The following EFCAB13 variants were observed in gnomAD, a reference collection of about 807,000 sequenced individuals.
EFCAB13 encodes EF-hand calcium-binding domain-containing protein 13.
In EFCAB13, 91 loss-of-function variants were observed where a neutral mutation model predicts 110.2. That is an observed-to-expected ratio of 0.83 (90% confidence interval 0.70 to 0.98). The LOEUF (loss-of-function observed/expected upper bound fraction) is 0.98. Ranked by LOEUF, EFCAB13 falls within the 50% of genes least tolerant of loss-of-function variation. The probability of loss-of-function intolerance (pLI) is 0.00; values close to 1 mark genes in which losing one functional copy is unlikely to be tolerated. For synonymous variants in EFCAB13, 323 were observed against 369.9 expected (o/e 0.87, Z 1.45); for missense variants, 968 against 1,119.4 (o/e 0.86, Z 1.93).
rs1304782104 is a variant in EFCAB13 at position 47,361,463 on chromosome 17, G to T, written c.747G>T (p.Met249Ile). 9 of 1,613,154 alleles carry T rather than the reference G, an allele frequency of 5.6e-6. No homozygotes were observed. The highest frequency in any genetic ancestry group is 7.6e-6 in the Non-Finnish European group (9 of 1,179,230). The change falls in exon 10 of 25, where the codon ATG (methionine) becomes ATT (isoleucine). Residue 249 changes from methionine (M) to isoleucine (I), a missense_variant. By Grantham distance (10) the Met-to-Ile change is conservative. Transcript: ENST00000331493. ...ACGTGTTTGCTGTTTTGGATAGCATGGGTATCCCTATAAACCGTGAAATTT... is the reference window on the plus strand; with the variant it reads ...ACGTGTTTGCTGTTTTGGATAGCATTGGTATCCCTATAAACCGTGAAATTT... ...TDDVFAVLDS[M>I]GIPINREILE...
intron 2 of EFCAB13, among the ~76,000 whole-genome samples, chr17:47,325,024 A>C (rs375822273): frequency 0.03 from 973 of 32,794 alleles, 15 homozygotes; most frequent in Middle Eastern, 0.093. Context: ...CGCCCACCCC[A>C]CCCCCCTTTT....
intron 10 of EFCAB13, among the ~76,000 whole-genome samples, chr17:47,365,831 CAA>C (rs146456327): frequency 0.05 from 7,580 of 152,006 alleles, 248 homozygotes; most frequent in East Asian, 0.11. Flanking sequence ...AATAGAGAAA[CAA>C]AGCAAAAATA....
In EFCAB13 at chr17:47,391,487, G is replaced by T; in HGVS notation, c.1633G>T (p.Asp545Tyr). The stretch of plus-strand genomic sequence containing the variant: ...TGATAAAATTAAAGATAAAAATGTG[G>T]ATTATGAGGATCTAAATACTTGTCT... ...AIDKIKDKNV[D>Y]YEDLNTCLQN... Residue 545 changes from aspartate (D) to tyrosine (Y), a missense_variant, in exon 15 of 25, where the codon GAT (aspartate) becomes TAT (tyrosine). Transcript: ENST00000331493. 2 of 1,589,936 alleles carry T rather than the reference G, an allele frequency of 1.3e-6. No homozygotes were observed. The highest frequency in any genetic ancestry group is 2.4e-5 in the South Asian group (2 of 84,440).
At chr17:47,326,059 G>A (rs952017951) in intron 2 of EFCAB13, among the ~76,000 whole-genome samples, 167 bp from the exon 3 acceptor site, 2 of 150,712 alleles carry the variant, frequency 1.3e-5, no homozygotes, top group Non-Finnish European at 3.0e-5. Context: ...TTCATGGATA[G>A]AAAGGTGAAT....
intron 14 of EFCAB13, among the ~76,000 whole-genome samples, chr17:47,384,018 C>T (rs1462982239): frequency 6.6e-6 from 1 of 152,132 alleles, no homozygotes; most frequent in African/African-American, 2.4e-5. Context: ...AATCGGGGTA[C>T]TCCTGCATTG....
At chr17:47,354,952 ATTG>A (rs2065471883) in intron 9 of EFCAB13, among the ~76,000 whole-genome samples, 1 of 151,728 alleles carries the variant, frequency 6.6e-6, no homozygotes, top group African/African-American at 2.4e-5. Context: ...TTCTTGTGTT[ATTG>A]TTTTATAGGT....
Position 47,398,267 on chromosome 17 carries a change from A to G in EFCAB13, c.1945+2290A>G, listed in dbSNP as rs866334531. Among the ~76,000 whole-genome samples the G allele has an allele frequency of 6.4e-3, 802 of 125,724 alleles. 18 individuals carry two copies. Among genetic ancestry groups the G allele is most frequent in the East Asian group, 0.057 (148 of 2,608 alleles). The allele number at this position is 125,724 out of a possible 152,430, so 82.5% of individuals were successfully genotyped here. A position where few individuals can be genotyped will look rare whatever the true frequency, so the allele number is the denominator to read the frequency against. On this transcript the variant is annotated intron_variant, in intron 17 of 24. Transcript: ENST00000331493. ...GGGTCAGCCCCCCGCCCGGCCAGCC[A>G]CCCCGCCCGGGAGGTGAGGGGCGCC...
Position 47,344,227 on chromosome 17 carries a change from G to A in EFCAB13, c.369G>A (p.Lys123=). Residue 123 remains lysine (K), a synonymous_variant, in exon 7 of 25, where the codon AAG becomes AAA. Coordinates refer to ENST00000331493, the MANE Select transcript of EFCAB13 (RefSeq NM_152347.5). ...CAAGGAAAGAAAACTCTTTATGCAA[G>A]TTGCCGAATCAGTACAGCGTTCACA... The part of the protein sequence containing the change: ...KVTRKENSLC[K]LPNQYSVHKT... 6.8e-6 allele frequency: 11 copies of A among 1,613,272 alleles called. No homozygotes were observed. The highest frequency in any genetic ancestry group is 9.3e-6 in the Non-Finnish European group (11 of 1,179,404).
At chr17:47,327,935 C>T (rs183474368) in intron 3 of EFCAB13, 58 of 265,282 alleles carry the variant, frequency 2.2e-4, no homozygotes, top group Admixed American at 1.4e-3. Context: ...ACACAGTAAG[C>T]ATTCAGTAAC....
In EFCAB13 at chr17:47,374,647, G is replaced by A; in HGVS notation, c.1053G>A (p.Glu351=). 7 of 1,607,540 alleles carry A rather than the reference G, an allele frequency of 4.4e-6. No individual in the cohort carries two copies. The highest frequency in any genetic ancestry group is 5.9e-6 in the Non-Finnish European group (7 of 1,178,508). ...ACCAATATTATAGCAAAATTATGGA[G>A]AATGATGACCTTGAATCTAAAAGAC... ...KSNQYYSKIM[E]NDDLESKRPK... is the part of the protein sequence containing the mutation. Residue 351 remains glutamate (E), a synonymous_variant, in exon 12 of 25, where the codon GAG becomes GAA. Transcript: ENST00000331493.
At chr17:47,401,711 C>A (rs2065780013) in intron 17 of EFCAB13, among the ~76,000 whole-genome samples, 1 of 128,746 alleles carries the variant, frequency 7.8e-6, no homozygotes, top group Non-Finnish European at 1.5e-5. Context: ...GTGGTGAGAT[C>A]TTGGCTCACA....
chr17:47,373,172 A>G (rs2065594995), intron 11 of EFCAB13, among the ~76,000 whole-genome samples: 2 of 152,026 alleles, frequency 1.3e-5, no homozygotes, highest in South Asian at 2.1e-4. Flanking sequence ...AGGTTCACAG[A>G]TTCATTCTTG....
intron 14 of EFCAB13, among the ~76,000 whole-genome samples, chr17:47,382,180 T>A (rs2065650564): frequency 6.6e-6 from 1 of 152,218 alleles, no homozygotes; most frequent in Non-Finnish European, 1.5e-5. Flanking sequence ...TGTATAGGAA[T>A]GCTTGTGATT....
intron 17 of EFCAB13, 92 bp from the exon 18 acceptor site, chr17:47,402,040 T>A: frequency 1.2e-6 from 1 of 864,912 alleles, no homozygotes; most frequent in South Asian, 1.4e-5. Flanking sequence ...TTCTTAGGAG[T>A]GCATCAAATG....
chr17:47,342,160 TCTC>T, intron 6 of EFCAB13, 128 bp downstream of exon 6: 1 of 556,526 alleles, frequency 1.8e-6, no homozygotes, highest in South Asian at 2.7e-5. Flanking sequence ...TGGTCTTGCT[TCTC>T]CTCTTCTGTT....
intron 20 of EFCAB13, among the ~76,000 whole-genome samples, chr17:47,406,958 G>C (rs146329192): frequency 6.6e-6 from 1 of 152,274 alleles, no homozygotes; most frequent in African/African-American, 2.4e-5. Context: ...ATATACTTTG[G>C]AAATGTGAAC....
chr17:47,373,205 A>T (rs1373510089), intron 11 of EFCAB13, among the ~76,000 whole-genome samples: 1 of 151,946 alleles, frequency 6.6e-6, no homozygotes, highest in African/African-American at 2.4e-5. Context: ...TATGTTGTTG[A>T]TGTTCTCTAT....
chr17:47,402,251 G>T (rs2065783112), intron 18 of EFCAB13, 48 bp downstream of exon 18: 1 of 1,549,492 alleles, frequency 6.5e-7, no homozygotes, highest in African/African-American at 1.4e-5. Context: ...TTATTGAAAG[G>T]ACTTGCTTTT....
At position 47,371,407 on chromosome 17, in the gene EFCAB13, A is replaced by C. The variant is rs113723269; in HGVS notation, c.877+899A>C. Among the ~76,000 whole-genome samples the C allele has an allele frequency of 8.6e-3, 1,304 of 151,982 alleles. 12 individuals carry two copies. Among genetic ancestry groups the C allele is most frequent in the African/African-American group, 0.027 (1,111 of 41,448 alleles). On this transcript the variant is annotated intron_variant, in intron 11 of 24. Transcript: ENST00000331493. ...CAGCTTGAGTTGTTTTTTGTATATG[A>C]TGAGAGATAGGGGTTTAGTTTCATT...
Sources: gnomAD v4.1 joint callset for allele counts (sites outside exome capture counted in the v4.1 genomes callset) on GRCh38, gnomAD v4.1.1 for gene constraint, MANE v1.5 for transcripts, NCBI Gene and HGNC (gene_info 2026-07-23, HGNC 2026-07-21) for gene names.